Variants in TAS1R3 observed in about 807,000 individuals in gnomAD.
TAS1R3 encodes the protein taste 1 receptor member 3, also known as taste receptor type 1 member 3.
TAS1R3 carries 58 observed loss-of-function variants against 46.1 expected under a neutral mutation model. That is an observed-to-expected ratio of 1.26 (90% CI 1.02 to 1.57). TAS1R3 has a LOEUF of 1.57. TAS1R3 is among the 40% of genes most tolerant of loss of function. TAS1R3 has a pLI of 0.00. For synonymous variants in TAS1R3, 724 were observed against 544.7 expected (o/e 1.33, Z -4.58); for missense variants, 1,422 against 1,185.8 (o/e 1.20, Z -2.93).
At position 1,332,097 on chromosome 1, in the gene TAS1R3, G is replaced by A. The variant is rs776318713; in HGVS notation, c.566G>A (p.Ser189Asn). ...TFPSFFRTVP[S>N]DRVQLTAAAE... ...CCCTCCTTCTTCCGCACCGTGCCCA[G>A]CGACCGTGTGCAGCTGACGGCCGCC... Residue 189 changes from serine to asparagine, a missense_variant, in exon 3 of 6, where the codon AGC (serine) becomes AAC (asparagine). Ser to Asn is a conservative substitution (Grantham distance 46). Coordinates refer to ENST00000339381, the MANE Select transcript of TAS1R3 (RefSeq NM_152228.3). The A allele has an allele frequency of 6.2e-7, 1 of 1,600,982 alleles. No homozygotes were observed. The highest frequency in any genetic ancestry group is 8.5e-7 in the Non-Finnish European group (1 of 1,179,854).
chr1:1,334,158 G>A lies in TAS1R3; in HGVS notation c.2253G>A (p.Val751=), dbSNP rs780896820. Residue 751 remains valine, a synonymous_variant, in exon 6 of 6, where the codon GTG becomes GTA. Coordinates refer to ENST00000339381, the MANE Select transcript of TAS1R3 (RefSeq NM_152228.3). ...TCTGCTTCCTGGGCACTTTCCTGGTGCGGAGCCAGCCGGGCTGCTACAACC... is the reference window on the plus strand; with the variant it reads ...TCTGCTTCCTGGGCACTTTCCTGGTACGGAGCCAGCCGGGCTGCTACAACC... ...AFLCFLGTFL[V]RSQPGCYNRA... The A allele has an allele frequency of 6.2e-5, 99 of 1,585,758 alleles. No homozygotes were observed. The East Asian group carries it at 2.2e-3, about 35-fold the overall frequency.
rs111599415 is a variant in TAS1R3, at chr1:1,334,516, C to A, written c.*52C>A. On this transcript the variant is annotated 3_prime_UTR_variant, in exon 6 of 6. Transcript: ENST00000339381. ...GAACCCAGACTTAGCTGCGATCCCC[C>A]CCAAGCCAGCAATGACCCGTGTCTC... 3.5e-6 allele frequency: 5 copies of A among 1,445,508 alleles called. No individual in the cohort carries two copies. The highest frequency in any genetic ancestry group is 1.8e-4 in the Middle Eastern group (1 of 5,490). The allele number at this position is 1,445,508 out of a possible 1,614,324, so 89.5% of individuals were successfully genotyped here.
At position 1,332,254 on chromosome 1, in the gene TAS1R3, C is replaced by T; in HGVS notation, c.723C>T (p.Gly241=). The T allele has an allele frequency of 3.1e-6, 5 of 1,597,418 alleles. No individual in the cohort carries two copies. Among genetic ancestry groups the T allele is most frequent in the Non-Finnish European group, 4.2e-6 (5 of 1,176,756 alleles). ...AARGICIAHE[G]LVPLPRADDS... The stretch of plus-strand genomic sequence containing the variant: ...GCGGCATCTGCATCGCGCACGAGGG[C>T]CTGGTGCCGCTGCCCCGTGCCGATG... Residue 241 remains glycine (G), a synonymous_variant, in exon 3 of 6, where the codon GGC becomes GGT. Transcript: ENST00000339381.
rs777904041 is a variant in TAS1R3, at chr1:1,333,938, G to A, written c.2033G>A (p.Gly678Glu). Residue 678 changes from glycine to glutamate, a missense_variant, in exon 6 of 6, where the codon GGG (glycine) becomes GAG (glutamate). Transcript: ENST00000339381. The part of the protein sequence containing the change: ...WADRLSGCLR[G>E]PWAWLVVLLA... ...GACCGGCTGAGTGGCTGCCTGCGGG[G>A]GCCCTGGGCCTGGCTGGTGGTGCTG... is the stretch of plus-strand genomic sequence containing the variant. The A allele has an allele frequency of 3.1e-6, 5 of 1,600,212 alleles. No homozygotes were observed. Among genetic ancestry groups the A allele is most frequent in the South Asian group, 2.2e-5 (2 of 91,056 alleles).
At position 1,334,056 on chromosome 1, in the gene TAS1R3, G is replaced by A. The variant is rs764684128; in HGVS notation, c.2151G>A (p.Glu717=). 1.2e-6 allele frequency: 2 copies of A among 1,600,970 alleles called. No individual in the cohort carries two copies. The highest frequency in any genetic ancestry group is 1.7e-6 in the Non-Finnish European group (2 of 1,178,104). The change falls in exon 6 of 6, where the codon GAG becomes GAA. Residue 717 remains glutamate (E), a synonymous_variant. Transcript: ENST00000339381. ...CGGACTGGCACATGCTGCCCACGGA[G>A]GCGCTGGTGCACTGCCGCACACGCT... ...VVTDWHMLPT[E]ALVHCRTRSW...
At chr1:1,333,156 C>T (rs372756610) in intron 4 of TAS1R3, 32 bp downstream of exon 4, 50 of 1,601,836 alleles carry the variant, frequency 3.1e-5, no homozygotes, top group East Asian at 4.5e-5. Flanking sequence ...CAGGCGTGCC[C>T]GTGGTAGCCC....
Position 1,331,465 on chromosome 1 carries a change from G to T in TAS1R3, c.120G>T (p.Leu40=). 6.2e-7 allele frequency: 1 copy of T among 1,605,318 alleles called. No homozygotes were observed. Among genetic ancestry groups the T allele is most frequent in the Non-Finnish European group, 8.5e-7 (1 of 1,177,320 alleles). Reference sequence around the variant, plus strand: ...AGGGGGACTACGTGCTGGGGGGGCTGTTCCCCCTGGGCGAGGCCGAGGAGG... The same window carrying T: ...AGGGGGACTACGTGCTGGGGGGGCTTTTCCCCCTGGGCGAGGCCGAGGAGG... ...RMKGDYVLGG[L]FPLGEAEEAG... is the part of the protein sequence containing the mutation. Residue 40 remains leucine, a synonymous_variant, in exon 1 of 6, where the codon CTG becomes CTT. Coordinates refer to ENST00000339381, the MANE Select transcript of TAS1R3 (RefSeq NM_152228.3).
Position 1,332,356 on chromosome 1 carries a change from C to A in TAS1R3, c.825C>A (p.Ala275=). ...QSSVQVVLLF[A]SVHAAHALFN... ...GCGTGCAGGTGGTGCTGCTGTTCGC[C>A]TCCGTGCACGCCGCCCACGCCCTCT... Residue 275 remains alanine (A), a synonymous_variant, in exon 3 of 6, where the codon GCC becomes GCA. Transcript: ENST00000339381. 6.2e-7 allele frequency: 1 copy of A among 1,602,596 alleles called. No individual in the cohort carries two copies.
In TAS1R3 at chr1:1,331,763, C is replaced by T; in HGVS notation, c.317C>T (p.Pro106Leu). ...GACCTCTTTGATACGTGCTCGGAGC[C>T]TGTGGTGGCCATGAAGCCCAGCCTC... ...GYDLFDTCSE[P>L]VVAMKPSLMF... The change falls in exon 2 of 6, where the codon CCT (proline) becomes CTT (leucine). Residue 106 changes from proline to leucine, a missense_variant. Physicochemically the swap from Pro to Leu is moderately conservative, Grantham distance 98. Transcript: ENST00000339381. 3.1e-6 allele frequency: 5 copies of T among 1,612,924 alleles called. No homozygotes were observed. Among genetic ancestry groups the T allele is most frequent in the Non-Finnish European group, 4.2e-6 (5 of 1,180,026 alleles).
In TAS1R3 at chr1:1,333,344, T is replaced by A. The variant is rs767346033; in HGVS notation, c.1565T>A (p.Val522Glu). The A allele has an allele frequency of 4.3e-6, 7 of 1,609,848 alleles. No homozygotes were observed. Among genetic ancestry groups the A allele is most frequent in the Non-Finnish European group, 4.2e-6 (5 of 1,178,774 alleles). The change falls in exon 5 of 6, where the codon GTG becomes GAG. Residue 522 changes from valine to glutamate, a missense_variant. Physicochemically the swap from Val to Glu is moderately radical, Grantham distance 121 (BLOSUM62 -2). Coordinates refer to ENST00000339381, the MANE Select transcript of TAS1R3 (RefSeq NM_152228.3). Reference sequence around the variant, plus strand: ...TTCCACTCCTGCTGCTACGACTGTGTGGACTGCGAGGCGGGCAGCTACCGG... The same window carrying A: ...TTCCACTCCTGCTGCTACGACTGTGAGGACTGCGAGGCGGGCAGCTACCGG... The part of the protein sequence containing the change: ...KGFHSCCYDC[V>E]DCEAGSYRQN...
At position 1,334,531 on chromosome 1, in the gene TAS1R3, AC is replaced by A; in HGVS notation, c.*70del. ...TGCGATCCCCCCCAAGCCAGCAATG[AC>A]CCGTGTCTCGCTACAGAGACCCTCC... On this transcript the variant is annotated 3_prime_UTR_variant, in exon 6 of 6. Coordinates refer to ENST00000339381, the MANE Select transcript of TAS1R3 (RefSeq NM_152228.3). The A allele has an allele frequency of 7.0e-7, 1 of 1,429,620 alleles. No individual in the cohort carries two copies. Among genetic ancestry groups the A allele is most frequent in the Non-Finnish European group, 9.2e-7 (1 of 1,087,660 alleles). The allele number at this position is 1,429,620 out of a possible 1,614,324, so 88.6% of individuals were successfully genotyped here. A position where few individuals can be genotyped will look rare whatever the true frequency, so the allele number is the denominator to read the frequency against.
rs752716232 is a variant in TAS1R3 at position 1,331,687 on chromosome 1, G to A, written c.241G>A (p.Glu81Lys). 3 of 1,612,796 alleles carry A rather than the reference G, an allele frequency of 1.9e-6. No individual in the cohort carries two copies. The highest frequency in any genetic ancestry group is 2.2e-5 in the South Asian group (2 of 91,084). The part of the protein sequence containing the change: ...LWALAMKMAV[E>K]EINNKSDLLP... ...GGCACTGGCCATGAAAATGGCCGTG[G>A]AGGAGATCAACAACAAGTCGGATCT... The change falls in exon 2 of 6, where the codon GAG becomes AAG. Residue 81 changes from glutamate (E) to lysine (K), a missense_variant. Transcript: ENST00000339381.
chr1:1,332,957 G>A lies in TAS1R3; in HGVS notation c.1312G>A (p.Gly438Ser). Reference protein sequence around the residue: ...ENMYNLTFHVGGLPLRFDSSG... With the variant: ...ENMYNLTFHVSGLPLRFDSSG... Reference sequence around the variant, plus strand: ...CATGTACAACCTGACCTTCCACGTGGGCGGGCTGCCGCTGCGGTTCGACAG... The same window carrying A: ...CATGTACAACCTGACCTTCCACGTGAGCGGGCTGCCGCTGCGGTTCGACAG... Residue 438 changes from glycine (G) to serine (S), a missense_variant, in exon 4 of 6, where the codon GGC becomes AGC. Gly to Ser is a moderately conservative substitution (Grantham distance 56). Coordinates refer to ENST00000339381, the MANE Select transcript of TAS1R3 (RefSeq NM_152228.3). 3.1e-6 allele frequency: 5 copies of A among 1,612,030 alleles called. No individual in the cohort carries two copies. The highest frequency in any genetic ancestry group is 4.2e-6 in the Non-Finnish European group (5 of 1,179,378).
Position 1,331,298 on chromosome 1 carries a change from C to A in TAS1R3, c.-48C>A. Reference sequence around the variant, plus strand: ...GCCCCGGGCTCACTCCATGTGAGGCCCCAGTCGGGGCAGCCACCTGCCGTG... The same window carrying A: ...GCCCCGGGCTCACTCCATGTGAGGCACCAGTCGGGGCAGCCACCTGCCGTG... On this transcript the variant is annotated 5_prime_UTR_variant, in exon 1 of 6. Coordinates refer to ENST00000339381, the MANE Select transcript of TAS1R3 (RefSeq NM_152228.3). 6.6e-7 allele frequency: 1 copy of A among 1,520,500 alleles called. No homozygotes were observed. The highest frequency in any genetic ancestry group is 8.8e-7 in the Non-Finnish European group (1 of 1,135,938). 94.2% of individuals were successfully genotyped at this position (1,520,500 alleles called of 1,614,324 possible).
intron 4 of TAS1R3, 60 bp from the exon 5 acceptor site, chr1:1,333,199 G>A (rs772448101): frequency 5.2e-5 from 83 of 1,590,218 alleles, no homozygotes; most frequent in Non-Finnish European, 6.6e-5. Context: ...GGTGGGGGCC[G>A]TTCCAGTCTC....
chr1:1,333,963 G>A lies in TAS1R3; in HGVS notation c.2058G>A (p.Leu686=). 2 of 1,600,660 alleles carry A rather than the reference G, an allele frequency of 1.2e-6. No homozygotes were observed. Among genetic ancestry groups the A allele is most frequent in the Non-Finnish European group, 1.7e-6 (2 of 1,179,654 alleles). The change falls in exon 6 of 6, where the codon CTG becomes CTA. Residue 686 remains leucine, a synonymous_variant. Transcript: ENST00000339381. ...GGCCCTGGGCCTGGCTGGTGGTGCTGCTGGCCATGCTGGTGGAGGTCGCAC... is the reference window on the plus strand; with the variant it reads ...GGCCCTGGGCCTGGCTGGTGGTGCTACTGGCCATGCTGGTGGAGGTCGCAC... ...LRGPWAWLVV[L]LAMLVEVALC...
chr1:1,333,897 G>C lies in TAS1R3; in HGVS notation c.1992G>C (p.Leu664=), dbSNP rs747033425. ...QAAEIFVESE[L]PLSWADRLSG... ...CCGAGATCTTCGTGGAGTCAGAACT[G>C]CCTCTGAGCTGGGCAGACCGGCTGA... Residue 664 remains leucine (L), a synonymous_variant, in exon 6 of 6, where the codon CTG becomes CTC. Coordinates refer to ENST00000339381, the MANE Select transcript of TAS1R3 (RefSeq NM_152228.3). The C allele has an allele frequency of 1.8e-5, 29 of 1,600,712 alleles. No individual in the cohort carries two copies. Among genetic ancestry groups the C allele is most frequent in the Middle Eastern group, 1.6e-4 (1 of 6,084 alleles).
Position 1,331,321 on chromosome 1 carries a change from G to T in TAS1R3, c.-25G>T. ...GCCCCAGTCGGGGCAGCCACCTGCC[G>T]TGCCTGTTGGAAGTTGCCTCTGCCA... On this transcript the variant is annotated 5_prime_UTR_variant, in exon 1 of 6. Transcript: ENST00000339381. 1 of 1,546,930 alleles carries T rather than the reference G, an allele frequency of 6.5e-7. No individual in the cohort carries two copies. Among genetic ancestry groups the T allele is most frequent in the South Asian group, 1.2e-5 (1 of 81,968 alleles).
rs775812449 is a variant in TAS1R3, at chr1:1,333,698, T to C, written c.1793T>C (p.Leu598Pro). 2 of 1,611,398 alleles carry C rather than the reference T, an allele frequency of 1.2e-6. No homozygotes were observed. Among genetic ancestry groups the C allele is most frequent in the Admixed American group, 1.7e-5 (1 of 59,960 alleles). The change falls in exon 6 of 6, where the codon CTG becomes CCG. Residue 598 changes from leucine to proline, a missense_variant. Transcript: ENST00000339381. Reference sequence around the variant, plus strand: ...TTCGTTCACCATCGGGACAGCCCACTGGTTCAGGCCTCGGGGGGGCCCCTG... The same window carrying C: ...TTCGTTCACCATCGGGACAGCCCACCGGTTCAGGCCTCGGGGGGGCCCCTG... ...GLFVHHRDSP[L>P]VQASGGPLAC...
Sources: allele counts gnomAD v4.1 joint callset, GRCh38; gene constraint gnomAD v4.1.1; transcripts MANE v1.5; gene names NCBI Gene and HGNC (gene_info 2026-07-23, HGNC 2026-07-21).